The following ASPA variants were observed in gnomAD, a reference collection of about 807,000 sequenced individuals.
ASPA encodes ACY-2.
A neutral mutation model predicts 29.6 loss-of-function variants in ASPA; 25 were observed. That is an observed-to-expected ratio of 0.85 (90% CI 0.62 to 1.18). The LOEUF (loss-of-function observed/expected upper bound fraction) is 1.18, where lower values mean the gene tolerates loss of function less well. ASPA is among the 50% of genes most tolerant of loss of function. The pLI is 0.00. For missense variants in ASPA, 333 were observed against 385.7 expected (o/e 0.86, Z 1.14); for synonymous variants, 131 against 130.3 (o/e 1.01, Z -0.04).
intron 5 of ASPA, among the ~76,000 whole-genome samples, chr17:3,495,607 C>T (rs897683809): frequency 7.2e-5 from 11 of 152,066 alleles, no homozygotes; most frequent in Admixed American, 1.3e-4. Flanking sequence ...CTCGCTCTGT[C>T]GCCCAGGCTG....
intron 3 of ASPA, among the ~76,000 whole-genome samples, chr17:3,487,515 T>A (rs2073746131): frequency 6.6e-6 from 1 of 152,230 alleles, no homozygotes; most frequent in East Asian, 1.9e-4. Context: ...CTAAGATTGA[T>A]ATTTGAGAGT....
At position 3,485,027 on chromosome 17, in the gene ASPA, G is replaced by T. The variant is rs2029351; in HGVS notation, c.526+1435G>T. ...ATCATTCACAGTAGGGTTTTGTTTT[G>T]TTTTTTTTCTGGAAAAGGGTCTCAC... On this transcript the variant is annotated intron_variant, in intron 3 of 5. Transcript: ENST00000263080. This position sits in a 1 kb window ranked among gnomAD's most constrained non-coding sequence, Gnocchi z 4.4. Among the ~76,000 whole-genome samples the T allele has an allele frequency of 0.27, 41,177 of 151,148 alleles. 5,921 individuals carry two copies. The highest frequency in any genetic ancestry group is 0.46 in the East Asian group (2,360 of 5,148).
rs2131517 is a variant in ASPA at position 3,488,156 on chromosome 17, T to A, written c.527-1079T>A. On this transcript the variant is annotated intron_variant, in intron 3 of 5. Transcript: ENST00000263080. The surrounding 1 kb of genome is among the most constrained non-coding windows in gnomAD (Gnocchi z 6.1). The stretch of plus-strand genomic sequence containing the variant: ...ATGAGGGTAGTGCAGTTGGGGTAAA[T>A]GGTTTGCCAAATAGAGAAGGTGATG... Among the ~76,000 whole-genome samples, 30,073 of 152,004 alleles carry A rather than the reference T, an allele frequency of 0.2. 3,588 individuals are homozygous for A. Among genetic ancestry groups the A allele is most frequent in the East Asian group, 0.46 (2,355 of 5,138 alleles).
In ASPA at chr17:3,501,429, G is replaced by C. The variant is rs1330030547; in HGVS notation, c.*2341G>C. On this transcript the variant is annotated 3_prime_UTR_variant, in exon 6 of 6. Coordinates refer to ENST00000263080, the MANE Select transcript of ASPA (RefSeq NM_000049.4). ...GAAGTCATGCAGATGTACAGCAAGAGAATGAGAAGTGGAGCCTGAAGATGT... is the reference window on the plus strand; with the variant it reads ...GAAGTCATGCAGATGTACAGCAAGACAATGAGAAGTGGAGCCTGAAGATGT... 1.3e-5 allele frequency: 2 copies of C among 152,328 alleles called. No individual in the cohort carries two copies. Among genetic ancestry groups the C allele is most frequent in the South Asian group, 2.1e-4 (1 of 4,832 alleles). 9.4% of individuals were successfully genotyped at this position (152,328 alleles called of 1,614,324 possible).
Position 3,490,832 on chromosome 17 carries a change from G to T in ASPA, c.634+1490G>T, listed in dbSNP as rs1242108838. Among the ~76,000 whole-genome samples the T allele has an allele frequency of 1.3e-5, 2 of 152,154 alleles. No homozygotes were observed. The highest frequency in any genetic ancestry group is 2.9e-5 in the Non-Finnish European group (2 of 68,020). On this transcript the variant is annotated intron_variant, in intron 4 of 5. Coordinates refer to ENST00000263080, the MANE Select transcript of ASPA (RefSeq NM_000049.4). The surrounding 1 kb of genome is among the most constrained non-coding windows in gnomAD (Gnocchi z 4.6). ...TCCATAGAATCCTATCACAACGGTG[G>T]AGAAAAGCAGTTCCTGGAACACCCC...
At position 3,494,008 on chromosome 17, in the gene ASPA, C is replaced by T. The variant is rs369142116; in HGVS notation, c.635-342C>T. On this transcript the variant is annotated intron_variant, in intron 4 of 5. Transcript: ENST00000263080. ...GTTGCTGTTGTTATTATTGTTTCTTCCTTACATTGTTAACTTCCCTTTTTC... is the reference window on the plus strand; with the variant it reads ...GTTGCTGTTGTTATTATTGTTTCTTTCTTACATTGTTAACTTCCCTTTTTC... Among the ~76,000 whole-genome samples the T allele has an allele frequency of 5.5e-4, 82 of 149,932 alleles. 1 individual carries two copies. In the South Asian group the frequency reaches 0.017, roughly 31 times the overall value.
chr17:3,474,687 G>C (rs2073496112), upstream of ASPA, among the ~76,000 whole-genome samples: 1 of 152,018 alleles, frequency 6.6e-6, no homozygotes, highest in South Asian at 2.1e-4. Flanking sequence ...ACATTCAGTG[G>C]GTTTATTAAA....
At chr17:3,477,242 G>A (rs2073540962) in intron 1 of ASPA, among the ~76,000 whole-genome samples, 1 of 152,198 alleles carries the variant, frequency 6.6e-6, no homozygotes, top group Non-Finnish European at 1.5e-5. Flanking sequence ...ATGGTGGATT[G>A]TTGTAGATGG....
chr17:3,493,559 T>TCA (rs1210114560), intron 4 of ASPA, among the ~76,000 whole-genome samples: 17 of 11,744 alleles, frequency 1.4e-3, no homozygotes, highest in African/African-American at 5.5e-3. Context: ...AGGTTCCATC[T>TCA]CAAAAAAAAA....
At chr17:3,474,786 T>C (rs1170032558), upstream of ASPA, among the ~76,000 whole-genome samples, 3 of 152,226 alleles carry the variant, frequency 2.0e-5, no homozygotes, top group Admixed American at 6.5e-5. Context: ...TGGCTGTTTA[T>C]GTGAATTCTG....
chr17:3,478,184 CAA>C (rs1015063984), intron 1 of ASPA, among the ~76,000 whole-genome samples: 18 of 139,124 alleles, frequency 1.3e-4, no homozygotes, highest in African/African-American at 3.2e-4. Flanking sequence ...GACTCCGTCT[CAA>C]AAAAAAAAAT....
In ASPA at chr17:3,499,320, T is replaced by C; in HGVS notation, c.*232T>C. The C allele has an allele frequency of 2.5e-6, 1 of 393,736 alleles. No homozygotes were observed. Among genetic ancestry groups the C allele is most frequent in the Non-Finnish European group, 4.5e-6 (1 of 223,554 alleles). 24.4% of individuals were successfully genotyped at this position (393,736 alleles called of 1,614,324 possible). On this transcript the variant is annotated 3_prime_UTR_variant, in exon 6 of 6. Coordinates refer to ENST00000263080, the MANE Select transcript of ASPA (RefSeq NM_000049.4). ...TGTTTCCTATTTCTATATAGTTTAT[T>C]ATACATGATACTTGGGTAGCTCAAC...
rs1387149458 is a variant in ASPA, at chr17:3,490,575, C to CT, written c.634+1235dup. 3.3e-5 allele frequency among the ~76,000 whole-genome samples: 5 copies of CT among 152,152 alleles called. No individual in the cohort carries two copies. The highest frequency in any genetic ancestry group is 2.0e-4 in the Admixed American group (3 of 15,280). ...TGCAATCACAGACATTCGTTTTGTG[C>CT]TTGGGAATCCTTTGACTCCAAAATC... is the stretch of plus-strand genomic sequence containing the variant. On this transcript the variant is annotated intron_variant, in intron 4 of 5. Coordinates refer to ENST00000263080, the MANE Select transcript of ASPA (RefSeq NM_000049.4). The surrounding 1 kb of genome is among the most constrained non-coding windows in gnomAD (Gnocchi z 4.6).
chr17:3,494,566 C>T, intron 5 of ASPA, 107 bp downstream of exon 5: 2 of 897,622 alleles, frequency 2.2e-6, no homozygotes, highest in South Asian at 2.7e-5. Flanking sequence ...ATTTGATGCT[C>T]TCATTAGACA....
intron 4 of ASPA, among the ~76,000 whole-genome samples, chr17:3,493,583 A>AG (rs1555540543): frequency 6.7e-6 from 1 of 148,852 alleles, no homozygotes; most frequent in Admixed American, 6.7e-5. Flanking sequence ...AAAAAAAAAA[A>AG]GGAAAGAAAA....
chr17:3,489,343 G>A lies in ASPA; in HGVS notation c.634+1G>A. On this transcript the variant is annotated splice_donor_variant, in intron 4 of 5. Coordinates refer to ENST00000263080, the MANE Select transcript of ASPA (RefSeq NM_000049.4). LOFTEE classifies it high-confidence loss of function. ...GATTTTATACATCATTTCAATGAAGGTAAGTAATAATGAAGGTAACGTTAT... is the reference window on the plus strand; with the variant it reads ...GATTTTATACATCATTTCAATGAAGATAAGTAATAATGAAGGTAACGTTAT... The A allele has an allele frequency of 6.3e-7, 1 of 1,589,630 alleles. No individual in the cohort carries two copies. The highest frequency in any genetic ancestry group is 2.2e-5 in the East Asian group (1 of 44,672).
Position 3,501,075 on chromosome 17 carries a change from C to T in ASPA, c.*1987C>T, listed in dbSNP as rs1447952574. On this transcript the variant is annotated 3_prime_UTR_variant, in exon 6 of 6. Transcript: ENST00000263080. ...CGCGCCTGCTACCACGACATCCAGC[C>T]GAAGCCCATGGATCAAGGCGTCATT... 2 of 151,780 alleles carry T rather than the reference C, an allele frequency of 1.3e-5. No individual in the cohort carries two copies. Among genetic ancestry groups the T allele is most frequent in the African/African-American group, 2.4e-5 (1 of 41,278 alleles). The allele number at this position is 151,780 out of a possible 1,614,324, so 9.4% of individuals were successfully genotyped here.
At chr17:3,496,799 GC>G (rs1441987187) in intron 5 of ASPA, among the ~76,000 whole-genome samples, 4 of 152,222 alleles carry the variant, frequency 2.6e-5, no homozygotes, top group African/African-American at 9.6e-5. Context: ...AGGAGCGGTG[GC>G]TCACGCCTGT....
intron 1 of ASPA, among the ~76,000 whole-genome samples, chr17:3,476,824 G>A (rs1204966444): frequency 2.0e-5 from 3 of 152,190 alleles, no homozygotes. Context: ...AATGCATAAA[G>A]TTCTAGTTCA....
Sources: allele counts gnomAD v4.1 joint callset (sites outside exome capture counted in the v4.1 genomes callset), GRCh38; gene constraint gnomAD v4.1.1; non-coding constraint Gnocchi (gnomAD v3.1); transcripts MANE v1.5; gene names NCBI Gene and HGNC (gene_info 2026-07-23, HGNC 2026-07-21).